MACF1: variants seen among roughly 807,000 people sequenced by gnomAD.
The protein encoded by MACF1 is microtubule actin crosslinking factor 1.
MACF1 carries 193 observed loss-of-function variants against 854.8 expected under a neutral mutation model. The observed-to-expected ratio is 0.23, with a 90% CI of 0.20 to 0.25. The LOEUF is 0.25. Ranked by LOEUF, MACF1 falls within the 10% of genes least tolerant of loss-of-function variation. MACF1 has a pLI of 1.00. For missense variants in MACF1, 7,722 were observed against 8,929.1 expected (o/e 0.86, Z 5.45); for synonymous variants, 3,185 against 3,226.7 (o/e 0.99, Z 0.44).
intron 26 of MACF1, among the ~76,000 whole-genome samples, chr1:39,312,729 G>A (rs780845304): frequency 4.6e-5 from 7 of 152,122 alleles, no homozygotes; most frequent in Non-Finnish European, 8.8e-5. Context: ...AGTGGCTGAG[G>A]TATGAGAATC....
At chr1:39,102,443 G>A (rs1191993791) in intron 2 of MACF1, among the ~76,000 whole-genome samples, 1 of 150,450 alleles carries the variant, frequency 6.6e-6, no homozygotes, top group Non-Finnish European at 1.5e-5. Context: ...GCGGGGGGGG[G>A]GTCAAGGAAG....
At chr1:39,340,086 C>T (rs1481878227) in intron 38 of MACF1, among the ~76,000 whole-genome samples, 2 of 152,124 alleles carry the variant, frequency 1.3e-5, no homozygotes, top group African/African-American at 4.8e-5. Flanking sequence ...AAGAGTCATC[C>T]GTTCGGTTTA....
chr1:39,476,663 GTTTAAAATA>G (rs1185304122), intron 97 of MACF1, among the ~76,000 whole-genome samples: 2 of 152,062 alleles, frequency 1.3e-5, no homozygotes, highest in African/African-American at 4.8e-5. Context: ...TGGCTACAAT[GTTTAAAATA>G]TTTAAACAAA....
chr1:39,154,016 A>G (rs1643633781), intron 2 of MACF1: 1 of 152,206 alleles, frequency 6.6e-6, no homozygotes, highest in Admixed American at 6.5e-5. Context: ...TTGGGATAAT[A>G]GTAGCAACTG....
chr1:39,442,629 C>T, intron 77 of MACF1, 62 bp downstream of exon 77: 1 of 1,608,966 alleles, frequency 6.2e-7, no homozygotes, highest in South Asian at 1.1e-5. Context: ...CTGCCACCAG[C>T]AGCCTTTGAA....
At position 39,412,795 on chromosome 1, in the gene MACF1, A is replaced by G. The variant is rs376849966; in HGVS notation, c.15817-9579A>G. On this transcript the variant is annotated intron_variant, in intron 58 of 100. Coordinates refer to ENST00000564288, the MANE Select transcript of MACF1 (RefSeq NM_001394062.1). ...CCGGACTGCTGCAGTACCCACTGTC[A>G]AAGATGCCCTAGATGCTGCACTGCC... The G allele has an allele frequency of 5.0e-6, 8 of 1,612,740 alleles. No homozygotes were observed. The East Asian group carries it at 1.8e-4, about 36-fold the overall frequency.
intron 2 of MACF1, among the ~76,000 whole-genome samples, chr1:39,171,967 A>C (rs1643956166): frequency 6.6e-6 from 1 of 152,192 alleles, no homozygotes; most frequent in Non-Finnish European, 1.5e-5. Flanking sequence ...TAATGGCTTC[A>C]TTTAGCCATT....
chr1:39,372,719 C>T, intron 52 of MACF1, 123 bp downstream of exon 52: 1 of 718,390 alleles, frequency 1.4e-6, no homozygotes, highest in Non-Finnish European at 2.4e-6. Flanking sequence ...AGGGCATGCC[C>T]AAAGCAGTCT....
intron 22 of MACF1, 78 bp from the exon 23 acceptor site, chr1:39,302,846 A>G (rs1020386898): frequency 2.9e-6 from 4 of 1,356,146 alleles, no homozygotes; most frequent in Non-Finnish European, 4.1e-6. Flanking sequence ...AGGATTTGAT[A>G]GCTTTGGGAT....
At position 39,190,401 on chromosome 1, in the gene MACF1, GTT is replaced by G. The variant is rs71057198; in HGVS notation, c.221-40764_221-40763del. 1.4e-3 allele frequency among the ~76,000 whole-genome samples: 149 copies of G among 105,980 alleles called. 1 individual carries two copies. Among genetic ancestry groups the G allele is most frequent in the African/African-American group, 5.3e-3 (140 of 26,510 alleles). 69.5% of individuals were successfully genotyped at this position (105,980 alleles called of 152,430 possible). A position where few individuals can be genotyped will look rare whatever the true frequency, so the allele number is the denominator to read the frequency against. On this transcript the variant is annotated intron_variant, in intron 2 of 93. Transcript: ENST00000361689. ...TGTGTGTGTGTGTGTGTTTGTTTTTGTTTTTTTTTTTTTTTTTTGATGGAATC... is the reference window on the plus strand; with the variant it reads ...TGTGTGTGTGTGTGTGTTTGTTTTTGTTTTTTTTTTTTTTTTGATGGAATC...
At chr1:39,219,165 C>CT (rs1189996825) in intron 1 of MACF1, among the ~76,000 whole-genome samples, 2 of 152,218 alleles carry the variant, frequency 1.3e-5, no homozygotes, top group Admixed American at 1.3e-4. Flanking sequence ...CTCATTGGTA[C>CT]TTTCTCAGCC....
intron 91 of MACF1, 25 bp downstream of exon 91, chr1:39,459,274 C>G (rs1644502379): frequency 1.3e-6 from 2 of 1,588,690 alleles, no homozygotes; most frequent in South Asian, 2.3e-5. Flanking sequence ...AGTGGCCTTC[C>G]CTGAAACAAA....
chr1:39,484,880 C>A, intron 100 of MACF1, 150 bp downstream of exon 100: 1 of 859,728 alleles, frequency 1.2e-6, no homozygotes, highest in Non-Finnish European at 1.9e-6. Context: ...CTCAAGTGAC[C>A]TTTACTTTTT....
In MACF1 at chr1:39,164,525, A is replaced by G. The variant is rs143970657; in HGVS notation, c.221-66657A>G. On this transcript the variant is annotated intron_variant, in intron 2 of 93. Coordinates refer to the MACF1 transcript ENST00000361689. ...GCAGCTCCCATCATGTCATCATCAT[A>G]TCACTGCACTGCTTTACTCTGAAGC... Among the ~76,000 whole-genome samples the G allele has an allele frequency of 7.9e-3, 1,209 of 152,322 alleles. 5 individuals are homozygous for G. Among genetic ancestry groups the G allele is most frequent in the Non-Finnish European group, 0.012 (845 of 68,022 alleles).
chr1:39,234,356 G>T (rs1382398396), intron 2 of MACF1, among the ~76,000 whole-genome samples: 1 of 151,562 alleles, frequency 6.6e-6, no homozygotes, highest in Non-Finnish European at 1.5e-5. Flanking sequence ...TCACTTCCCA[G>T]TAGGGGCGGC....
intron 30 of MACF1, among the ~76,000 whole-genome samples, chr1:39,318,850 G>A (rs1028949116): frequency 9.2e-5 from 14 of 151,938 alleles, no homozygotes. Flanking sequence ...ACCACTAGAT[G>A]GACAGATTAA....
Position 39,232,289 on chromosome 1 carries a change from GA to G in MACF1, c.171+1049del, listed in dbSNP as rs200821692. Among the ~76,000 whole-genome samples the G allele has an allele frequency of 9.3e-3, 1,418 of 152,100 alleles. 27 individuals are homozygous for G. The highest frequency in any genetic ancestry group is 0.032 in the African/African-American group (1,347 of 41,504). ...ATAATAATAATTAGTGCTTCTCTGG[GA>G]AAGGGAAAGGTCACCAGTGATCCCT... On this transcript the variant is annotated intron_variant, in intron 2 of 100. Coordinates refer to ENST00000564288, the MANE Select transcript of MACF1 (RefSeq NM_001394062.1).
At chr1:39,190,295 T>A (rs1273148253) in intron 2 of MACF1, among the ~76,000 whole-genome samples, 1 of 151,818 alleles carries the variant, frequency 6.6e-6, no homozygotes, top group Non-Finnish European at 1.5e-5. Context: ...TCTTTCTTTT[T>A]TCCTCCCCTC....
rs764323467 is a variant in MACF1 at position 39,282,217 on chromosome 1, A to G, written c.538A>G (p.Ile180Val). ...TIILHFQISD[I>V]YISGESGDMS... is the part of the protein sequence containing the mutation. ...TCCCATCTTTTGGCAGATCTCTGACATCTACATTAGTGGAGAATCAGGGGA... is the reference window on the plus strand; with the variant it reads ...TCCCATCTTTTGGCAGATCTCTGACGTCTACATTAGTGGAGAATCAGGGGA... The change falls in exon 7 of 101, where the codon ATC becomes GTC. Residue 180 changes from isoleucine to valine, a missense_variant. Ile to Val is a conservative substitution (Grantham distance 29). Coordinates refer to ENST00000564288, the MANE Select transcript of MACF1 (RefSeq NM_001394062.1). 1 of 1,613,848 alleles carries G rather than the reference A, an allele frequency of 6.2e-7. No individual in the cohort carries two copies. The highest frequency in any genetic ancestry group is 1.1e-5 in the South Asian group (1 of 91,050).
Sources: gnomAD v4.1 joint callset for allele counts (sites outside exome capture counted in the v4.1 genomes callset) on GRCh38, gnomAD v4.1.1 for gene constraint, MANE v1.5 for transcripts, NCBI Gene and HGNC (gene_info 2026-07-23, HGNC 2026-07-21) for gene names.